CTNNA3: variants seen among roughly 807,000 people sequenced by gnomAD.
CTNNA3 encodes the protein catenin alpha-3.
Under a neutral mutation model 95.7 loss-of-function variants are expected in CTNNA3, and 76 were observed. The ratio of observed to expected loss-of-function variants is 0.79; its 90% CI spans 0.66 to 0.96. The LOEUF (loss-of-function observed/expected upper bound fraction) is 0.96. CTNNA3 is among the 40% of genes least tolerant of loss of function. The pLI is 0.00. For missense variants in CTNNA3, 1,191 were observed against 1,089.8 expected (o/e 1.09, Z -1.31); for synonymous variants, 431 against 374.4 (o/e 1.15, Z -1.74).
chr10:67,301,931 T>C (rs566610214), intron 5 of CTNNA3, among the ~76,000 whole-genome samples: 18 of 148,662 alleles, frequency 1.2e-4, no homozygotes, highest in Non-Finnish European at 2.2e-4. Context: ...ATCGCGCCAC[T>C]GCACCCCAGC....
At chr10:66,256,320 C>T (rs888657217) in intron 13 of CTNNA3, among the ~76,000 whole-genome samples, 36 of 152,236 alleles carry the variant, frequency 2.4e-4, no homozygotes, top group South Asian at 2.1e-4. Context: ...CATCCAAAGA[C>T]GTCAGACAAA....
intron 3 of CTNNA3, among the ~76,000 whole-genome samples, chr10:67,584,798 C>T (rs542591066): frequency 6.6e-6 from 1 of 152,344 alleles, no homozygotes; most frequent in South Asian, 2.1e-4. Flanking sequence ...TCACTGTCAC[C>T]TTGCAGTTCC....
At chr10:67,222,991 G>A (rs1248882774) in intron 5 of CTNNA3, among the ~76,000 whole-genome samples, 1 of 152,214 alleles carries the variant, frequency 6.6e-6, no homozygotes, top group Non-Finnish European at 1.5e-5. Flanking sequence ...AAATACAAAT[G>A]TATTTTGAAT....
intron 7 of CTNNA3, among the ~76,000 whole-genome samples, chr10:66,972,384 G>C (rs1227035420): frequency 6.6e-6 from 1 of 152,036 alleles, no homozygotes; most frequent in East Asian, 1.9e-4. Flanking sequence ...TCAAACTACT[G>C]GGCTCAAGCA....
intron 9 of CTNNA3, among the ~76,000 whole-genome samples, chr10:66,640,239 C>A (rs1845470458): frequency 6.6e-6 from 1 of 152,080 alleles, no homozygotes; most frequent in African/African-American, 2.4e-5. Flanking sequence ...TGGATACATC[C>A]ATCTTTCAGC....
intron 15 of CTNNA3, among the ~76,000 whole-genome samples, chr10:66,032,506 C>T (rs960674390): frequency 5.3e-5 from 8 of 152,072 alleles, no homozygotes; most frequent in East Asian, 1.9e-4. Context: ...GTTGAAGCTA[C>T]GGTCTCCTTA....
At chr10:67,714,964 A>C (rs929760046) in intron 1 of CTNNA3, among the ~76,000 whole-genome samples, 2 of 152,220 alleles carry the variant, frequency 1.3e-5, no homozygotes, top group Admixed American at 6.5e-5. Context: ...TGGAGCTGGA[A>C]GTACAATAAA....
At chr10:67,749,998 T>C (rs1225046149) in intron 1 of CTNNA3, among the ~76,000 whole-genome samples, 2 of 152,158 alleles carry the variant, frequency 1.3e-5, no homozygotes, top group African/African-American at 4.8e-5. Context: ...TGCTCACTCT[T>C]TCAGTCTGCA....
At chr10:66,657,848 C>T (rs1282893832) in intron 9 of CTNNA3, among the ~76,000 whole-genome samples, 1 of 152,078 alleles carries the variant, frequency 6.6e-6, no homozygotes, top group African/African-American at 2.4e-5. Context: ...GGAAGGCAGT[C>T]GTGCAATTAA....
intron 7 of CTNNA3, among the ~76,000 whole-genome samples, chr10:67,001,469 G>C (rs1161434665): frequency 6.6e-6 from 1 of 151,742 alleles, no homozygotes; most frequent in South Asian, 2.1e-4. Context: ...AGAAGGATGG[G>C]GAAATGGGAA....
chr10:66,952,614 T>G (rs2132727370), intron 7 of CTNNA3, among the ~76,000 whole-genome samples: 1 of 152,162 alleles, frequency 6.6e-6, no homozygotes, highest in South Asian at 2.1e-4. Flanking sequence ...AATGGGCCAT[T>G]ATAGAAGGTA....
chr10:65,969,239 A>G (rs1357500450), intron 16 of CTNNA3, among the ~76,000 whole-genome samples: 2 of 141,026 alleles, frequency 1.4e-5, no homozygotes, highest in Non-Finnish European at 1.6e-5. Context: ...AAAGGGAAAG[A>G]AAAAAAAATC....
intron 2 of CTNNA3, among the ~76,000 whole-genome samples, chr10:67,645,050 CT>C (rs1177625437): frequency 1.3e-5 from 2 of 152,102 alleles, no homozygotes; most frequent in Non-Finnish European, 2.9e-5. Context: ...TATAATCACA[CT>C]TTTTAAAAGA....
At chr10:65,946,368 T>A (rs2077516748) in intron 17 of CTNNA3, among the ~76,000 whole-genome samples, 1 of 152,122 alleles carries the variant, frequency 6.6e-6, no homozygotes, top group Non-Finnish European at 1.5e-5. Context: ...AATTACAAAC[T>A]TTTTTAGCAT....
chr10:66,470,591 T>C (rs1361417860), intron 11 of CTNNA3, among the ~76,000 whole-genome samples: 2 of 151,826 alleles, frequency 1.3e-5, no homozygotes, highest in East Asian at 1.9e-4. Context: ...GAGGCATTCA[T>C]TGTATTACTC....
At chr10:66,765,836 T>G (rs1200516634) in intron 9 of CTNNA3, among the ~76,000 whole-genome samples, 1 of 152,168 alleles carries the variant, frequency 6.6e-6, no homozygotes, top group Admixed American at 6.5e-5. Context: ...CCTGGATATC[T>G]CTACCCTGTA....
chr10:66,346,871 A>C lies in CTNNA3; in HGVS notation c.1732+32281T>G, dbSNP rs139946041. On this transcript the variant is annotated intron_variant, in intron 12 of 17. Coordinates refer to ENST00000433211, the MANE Select transcript of CTNNA3 (RefSeq NM_013266.4). ...GAAAGACATTGGGCATCTAGACTTG[A>C]GTGGAAAAATTGAGGTGATGAGATT... 2.3e-3 allele frequency among the ~76,000 whole-genome samples: 345 copies of C among 152,084 alleles called. 1 individual carries two copies. The highest frequency in any genetic ancestry group is 8.0e-3 in the African/African-American group (330 of 41,504).
At chr10:67,489,805 T>TATATATATATATATATACAC (rs927605119) in intron 5 of CTNNA3, among the ~76,000 whole-genome samples, 11 of 148,950 alleles carry the variant, frequency 7.4e-5, no homozygotes, top group African/African-American at 2.7e-4. Context: ...TATATATATA[T>TATATATATATATATATACAC]ACACACATTA....
At chr10:67,126,490 G>T (rs930776755) in intron 7 of CTNNA3, among the ~76,000 whole-genome samples, 2 of 152,208 alleles carry the variant, frequency 1.3e-5, no homozygotes, top group African/African-American at 2.4e-5. Flanking sequence ...CACTTGGCTT[G>T]CAGCGAGCCA....
Sources: gnomAD v4.1 joint callset for allele counts (sites outside exome capture counted in the v4.1 genomes callset) on GRCh38, gnomAD v4.1.1 for gene constraint, MANE v1.5 for transcripts, NCBI Gene and HGNC (gene_info 2026-07-23, HGNC 2026-07-21) for gene names.